The following YEATS4 variants were observed in gnomAD, a reference collection of about 807,000 sequenced individuals.
YEATS4 encodes YEATS domain containing 4, also known as YEATS domain-containing protein 4.
A neutral mutation model predicts 30.1 loss-of-function variants in YEATS4; 17 were observed. The observed-to-expected ratio is 0.56, with a 90% CI of 0.39 to 0.85. The LOEUF (loss-of-function observed/expected upper bound fraction) is 0.85, where lower values mean the gene tolerates loss of function less well. YEATS4 is among the 40% of genes least tolerant of loss of function. YEATS4 has a pLI of 0.00. For synonymous variants in YEATS4, 85 were observed against 87.5 expected (o/e 0.97, Z 0.16); for missense variants, 142 against 268.3 (o/e 0.53, Z 3.29).
chr12:69,421,892 G>T, the YEATS4 span, among the ~76,000 whole-genome samples: 2 of 152,248 alleles, frequency 1.3e-5, no homozygotes, highest in East Asian at 1.9e-4. Flanking sequence ...TAAAAACACC[G>T]TGAAGGTTGA....
Position 69,365,707 on chromosome 12 carries a change from A to G in YEATS4, c.238+8A>G, listed in dbSNP as rs1406595678. ...ATGGCAATCCTTTAAGAGGTACAATATAGTCTTTTGATTCACAATATCCAA... is the reference window on the plus strand; with the variant it reads ...ATGGCAATCCTTTAAGAGGTACAATGTAGTCTTTTGATTCACAATATCCAA... On this transcript the variant is annotated splice_region_variant and intron_variant, in intron 3 of 6. Coordinates refer to ENST00000247843, the MANE Select transcript of YEATS4 (RefSeq NM_006530.4). The G allele has an allele frequency of 3.7e-6, 6 of 1,609,070 alleles. No homozygotes were observed. The highest frequency in any genetic ancestry group is 5.1e-6 in the Non-Finnish European group (6 of 1,177,120).
chr12:69,388,070 T>A (rs1351106284), intron 6 of YEATS4, among the ~76,000 whole-genome samples: 4 of 151,670 alleles, frequency 2.6e-5, no homozygotes, highest in Non-Finnish European at 4.4e-5. Context: ...TTTATTTTTT[T>A]TTTTTGAGGC....
At chr12:69,400,467 GA>G in the YEATS4 span, among the ~76,000 whole-genome samples, 6 of 151,612 alleles carry the variant, frequency 4.0e-5, no homozygotes, top group African/African-American at 9.7e-5. Flanking sequence ...ACAAATTGAT[GA>G]AAAAAATTCA....
At chr12:69,406,811 T>G in the YEATS4 span, among the ~76,000 whole-genome samples, 81 of 152,062 alleles carry the variant, frequency 5.3e-4, no homozygotes, top group Admixed American at 9.2e-4. Context: ...CAATTTTTCT[T>G]TTTTCTTTTC....
chr12:69,362,013 G>GT (rs533225716), intron 1 of YEATS4, among the ~76,000 whole-genome samples: 5,927 of 68,886 alleles, frequency 0.086, 383 homozygotes, highest in East Asian at 0.21. Flanking sequence ...GTGTTTGGTT[G>GT]TTTTTTTTTT....
chr12:69,402,595 A>C, the YEATS4 span, among the ~76,000 whole-genome samples: 1 of 152,200 alleles, frequency 6.6e-6, no homozygotes, highest in African/African-American at 2.4e-5. Context: ...TGTAGCACAA[A>C]GGCAGTCAGA....
In YEATS4 at chr12:69,390,153, A is replaced by C; in HGVS notation, c.521A>C (p.Glu174Ala). The C allele has an allele frequency of 1.3e-6, 2 of 1,576,794 alleles. No homozygotes were observed. The highest frequency in any genetic ancestry group is 1.7e-6 in the Non-Finnish European group (2 of 1,170,818). ...AAGTATTTGTTTTCTTTAGTTGCAG[A>C]GCTTGAAGTGAAAACCAGAGAAAAA... ...GAYKHETEFA[E>A]LEVKTREKLE... The change falls in exon 7 of 7, where the codon GAG (glutamate) becomes GCG (alanine). Residue 174 changes from glutamate to alanine, a missense_variant. Glu to Ala is a moderately radical substitution (Grantham distance 107). Coordinates refer to ENST00000247843, the MANE Select transcript of YEATS4 (RefSeq NM_006530.4).
At chr12:69,362,029 T>TG (rs1875241016) in intron 1 of YEATS4, among the ~76,000 whole-genome samples, 1 of 57,258 alleles carries the variant, frequency 1.7e-5, no homozygotes, top group Non-Finnish European at 4.7e-5. Flanking sequence ...TTTTTTTTTT[T>TG]TTTTTGGAGA....
intron 6 of YEATS4, among the ~76,000 whole-genome samples, chr12:69,384,208 T>G (rs1876184350): frequency 6.6e-6 from 1 of 152,210 alleles, no homozygotes; most frequent in Non-Finnish European, 1.5e-5. Context: ...TCATTATTGA[T>G]CACTCTCTTC....
chr12:69,360,100 A>G, intron 1 of YEATS4, 77 bp downstream of exon 1: 1 of 1,514,512 alleles, frequency 6.6e-7, no homozygotes, highest in East Asian at 2.4e-5. Context: ...GGGAGGGCCC[A>G]CTGGGTTTCC....
the YEATS4 span, among the ~76,000 whole-genome samples, chr12:69,418,693 C>T: frequency 6.6e-6 from 1 of 152,140 alleles, no homozygotes; most frequent in East Asian, 1.9e-4. Flanking sequence ...TAACTCTCAT[C>T]TGTTTCATAC....
intron 6 of YEATS4, among the ~76,000 whole-genome samples, chr12:69,374,886 CTGTTAGGTA>C (rs896526522): frequency 3.3e-5 from 5 of 152,160 alleles, no homozygotes; most frequent in African/African-American, 1.2e-4. Context: ...TCTCAATGAG[CTGTTAGGTA>C]CACCTCCCAG....
chr12:69,362,020 T>TTTTTTTTTGTTTG (rs1565673752), intron 1 of YEATS4, among the ~76,000 whole-genome samples: 1 of 142,538 alleles, frequency 7.0e-6, no homozygotes, highest in African/African-American at 2.6e-5. Flanking sequence ...GTTGTTTTTT[T>TTTTTTTTTGTTTG]TTTTTTTTTT....
downstream of YEATS4, among the ~76,000 whole-genome samples, chr12:69,395,237 C>A (rs1189259705): frequency 2.6e-5 from 4 of 151,876 alleles, no homozygotes; most frequent in Non-Finnish European, 1.5e-5. Context: ...AAATGTATTA[C>A]TTACAAACCA....
At chr12:69,391,964 C>T (rs1868319663), downstream of YEATS4, among the ~76,000 whole-genome samples, 1 of 152,186 alleles carries the variant, frequency 6.6e-6, no homozygotes, top group Non-Finnish European at 1.5e-5. Context: ...GTGGTCATGG[C>T]TCAATCTTAC....
At chr12:69,375,672 T>C (rs1875841421) in intron 6 of YEATS4, among the ~76,000 whole-genome samples, 2 of 152,072 alleles carry the variant, frequency 1.3e-5, no homozygotes, top group Admixed American at 6.5e-5. Flanking sequence ...AGGCCAAGGC[T>C]GGCAGATCAC....
At chr12:69,395,854 C>T (rs780758948), downstream of YEATS4, among the ~76,000 whole-genome samples, 31 of 152,032 alleles carry the variant, frequency 2.0e-4, no homozygotes, top group Non-Finnish European at 1.0e-4. Context: ...CCGGTGAACT[C>T]GGATAAATAA....
the YEATS4 span, among the ~76,000 whole-genome samples, chr12:69,406,747 A>G: frequency 2.3e-4 from 35 of 152,150 alleles, no homozygotes; most frequent in African/African-American, 8.0e-4. Context: ...ATATTAGTCC[A>G]TTCTATGATT....
downstream of YEATS4, among the ~76,000 whole-genome samples, chr12:69,393,474 AAAAG>A (rs1404664727): frequency 6.6e-6 from 1 of 152,088 alleles, no homozygotes; most frequent in African/African-American, 2.4e-5. Flanking sequence ...CTCTTTTAAA[AAAAG>A]AAAGAAAATG....
Sources: allele counts gnomAD v4.1 joint callset (sites outside exome capture counted in the v4.1 genomes callset), GRCh38; gene constraint gnomAD v4.1.1; transcripts MANE v1.5; gene names NCBI Gene and HGNC (gene_info 2026-07-23, HGNC 2026-07-21).